The following C14orf132 variants were observed in gnomAD, a reference collection of about 807,000 sequenced individuals.
C14orf132 encodes uncharacterized protein C14orf132.
C14orf132 carries 6 observed loss-of-function variants against 5.8 expected under a neutral mutation model. The ratio of observed to expected loss-of-function variants is 1.03; its 90% CI spans 0.57 to 2.04. The LOEUF (loss-of-function observed/expected upper bound fraction) is 2.04. C14orf132 is among the 30% of genes most tolerant of loss of function. C14orf132 has a pLI of 0.00. For synonymous variants in C14orf132, 51 were observed against 49.8 expected, an observed-to-expected ratio of 1.02 and a Z score of -0.10; for missense variants, 125 against 115.8, an observed-to-expected ratio of 1.08 and a Z score of -0.37.
chr14:96,072,549 G>C (rs943269312), intron 1 of C14orf132, among the ~76,000 whole-genome samples: 6 of 152,104 alleles, frequency 3.9e-5, no homozygotes, highest in African/African-American at 9.7e-5. Flanking sequence ...GGGATGATAC[G>C]GTTCTCTAAC....
chr14:96,063,092 G>A (rs1037395815), intron 1 of C14orf132, among the ~76,000 whole-genome samples: 2 of 152,122 alleles, frequency 1.3e-5, no homozygotes, highest in Admixed American at 1.3e-4. Flanking sequence ...GGATGAGGCA[G>A]GGATCGTCAT....
At chr14:96,044,004 C>A (rs746539864) in intron 1 of C14orf132, among the ~76,000 whole-genome samples, 1 of 152,110 alleles carries the variant, frequency 6.6e-6, no homozygotes. Context: ...GAGGCTCAGC[C>A]GGCAAACAGA....
At chr14:96,080,793 C>T (rs1276594941) in intron 1 of C14orf132, among the ~76,000 whole-genome samples, 1 of 152,144 alleles carries the variant, frequency 6.6e-6, no homozygotes, top group Non-Finnish European at 1.5e-5. Flanking sequence ...CACTCAGCCA[C>T]CCCATGCTAC....
chr14:96,070,828 G>A (rs1258582841), intron 1 of C14orf132, among the ~76,000 whole-genome samples: 1 of 152,100 alleles, frequency 6.6e-6, no homozygotes, highest in Non-Finnish European at 1.5e-5. Flanking sequence ...GTGTCCTCAT[G>A]GGGTGCACCT....
intron 1 of C14orf132, chr14:96,040,206 G>C: frequency 2.7e-6 from 1 of 368,584 alleles, no homozygotes; most frequent in South Asian, 1.4e-4. Flanking sequence ...ATTTTCCTCC[G>C]GCAGAATGCC....
intron 1 of C14orf132, among the ~76,000 whole-genome samples, chr14:96,079,645 T>C (rs547492441): frequency 6.6e-6 from 1 of 152,276 alleles, no homozygotes; most frequent in East Asian, 1.9e-4. Context: ...GGTATTCAAA[T>C]CTGTCCAGCC....
intron 1 of C14orf132, among the ~76,000 whole-genome samples, chr14:96,069,241 G>T (rs1887630426): frequency 3.6e-5 from 3 of 82,704 alleles, no homozygotes; most frequent in African/African-American, 9.0e-5. Flanking sequence ...ATATGTTATT[G>T]GTTCTGTTTA....
chr14:96,055,403 G>A (rs1189048258), intron 1 of C14orf132, among the ~76,000 whole-genome samples: 1 of 152,114 alleles, frequency 6.6e-6, no homozygotes, highest in Admixed American at 6.5e-5. Context: ...CTTTTTTCAA[G>A]GCTGTTTACT....
At chr14:96,043,564 C>G (rs1446821057) in intron 1 of C14orf132, among the ~76,000 whole-genome samples, 1 of 152,118 alleles carries the variant, frequency 6.6e-6, no homozygotes, top group East Asian at 1.9e-4. Context: ...TTTCAAGAGT[C>G]CTGCTGCCCA....
intron 1 of C14orf132, among the ~76,000 whole-genome samples, chr14:96,078,244 C>A (rs1887933641): frequency 6.6e-6 from 1 of 152,230 alleles, no homozygotes; most frequent in South Asian, 2.1e-4. Context: ...ACCGTGGCAA[C>A]ACAGCTCAGC....
At position 96,082,286 on chromosome 14, in the gene C14orf132, G is replaced by A. The variant is rs1311489096; in HGVS notation, c.28-4225G>A. ...GGCTAAAAGTAGACTGGAGCTGGTCGGGTGGGCTTTGAGAGTGACATTCTC... is the reference window on the plus strand; with the variant it reads ...GGCTAAAAGTAGACTGGAGCTGGTCAGGTGGGCTTTGAGAGTGACATTCTC... On this transcript the variant is annotated intron_variant, in intron 1 of 1. Transcript: ENST00000555004. Among the ~76,000 whole-genome samples, 7 of 152,158 alleles carry A rather than the reference G, an allele frequency of 4.6e-5. 1 individual carries two copies. The highest frequency in any genetic ancestry group is 4.1e-4 in the South Asian group (2 of 4,830).
In C14orf132 at chr14:96,045,111, G is replaced by A. The variant is rs185347748; in HGVS notation, c.27+5584G>A. Among the ~76,000 whole-genome samples the A allele has an allele frequency of 2.8e-4, 43 of 152,208 alleles. 1 individual carries two copies. The highest frequency in any genetic ancestry group is 9.6e-4 in the African/African-American group (40 of 41,524). ...AATGGGGACAAAACTGTGTCCTCAC[G>A]GAACTGTTCATTTAGTGTCTTAGAA... On this transcript the variant is annotated intron_variant, in intron 1 of 1. Coordinates refer to ENST00000555004, the MANE Select transcript of C14orf132 (RefSeq NM_001252507.3).
Position 96,060,530 on chromosome 14 carries a change from C to T in C14orf132, c.27+21003C>T, listed in dbSNP as rs540880170. Among the ~76,000 whole-genome samples, 35 of 152,234 alleles carry T rather than the reference C, an allele frequency of 2.3e-4. No individual in the cohort carries two copies. The South Asian group carries it at 7.1e-3, about 31-fold the overall frequency. On this transcript the variant is annotated intron_variant, in intron 1 of 1. Coordinates refer to ENST00000555004, the MANE Select transcript of C14orf132 (RefSeq NM_001252507.3). ...GAGTTTATTCAGCAGATTTTTTATC[C>T]TCTGCACCCTCATTCTCGTGCTACC... is the stretch of plus-strand genomic sequence containing the variant.
chr14:96,072,566 CAA>C (rs1887745792), intron 1 of C14orf132, among the ~76,000 whole-genome samples: 1 of 152,178 alleles, frequency 6.6e-6, no homozygotes, highest in Admixed American at 6.5e-5. Context: ...TAACTTGTAA[CAA>C]ATGCACAGAA....
chr14:96,082,443 T>C (rs560998296), intron 1 of C14orf132, among the ~76,000 whole-genome samples: 1 of 152,340 alleles, frequency 6.6e-6, no homozygotes, highest in Non-Finnish European at 1.5e-5. Context: ...CATGGAATTC[T>C]GCTGTTGGAA....
At chr14:96,086,397 C>T in intron 1 of C14orf132, 114 bp from the exon 2 acceptor site, 1 of 869,436 alleles carries the variant, frequency 1.2e-6, no homozygotes. Flanking sequence ...TTTGCAGGTG[C>T]AGTAGAGATC....
At chr14:96,082,003 T>A (rs1159306857) in intron 1 of C14orf132, among the ~76,000 whole-genome samples, 1 of 152,184 alleles carries the variant, frequency 6.6e-6, no homozygotes, top group African/African-American at 2.4e-5. Flanking sequence ...CACCCTGTGT[T>A]GTCCTGGTTG....
chr14:96,076,133 G>C (rs1887858109), intron 1 of C14orf132, among the ~76,000 whole-genome samples: 1 of 152,026 alleles, frequency 6.6e-6, no homozygotes, highest in Admixed American at 6.5e-5. Context: ...TCTTGAGTAA[G>C]TTTTGGTAGT....
intron 1 of C14orf132, among the ~76,000 whole-genome samples, chr14:96,060,080 G>C (rs965535322): frequency 7.2e-5 from 11 of 152,204 alleles, no homozygotes; most frequent in African/African-American, 1.9e-4. Context: ...CACAAAGCCA[G>C]GTGCCTGGAT....
Sources: allele counts gnomAD v4.1 joint callset (sites outside exome capture counted in the v4.1 genomes callset), GRCh38; gene constraint gnomAD v4.1.1; transcripts MANE v1.5; gene names NCBI Gene and HGNC (gene_info 2026-07-23, HGNC 2026-07-21).